OTUD7A: variants seen among roughly 807,000 people sequenced by gnomAD.
The protein encoded by OTUD7A is OTU deubiquitinase 7A, also known as OTU domain-containing protein 7A.
A neutral mutation model predicts 65.7 loss-of-function variants in OTUD7A; 12 were observed. The observed-to-expected ratio is 0.18, with a 90% confidence interval of 0.12 to 0.30. The LOEUF (loss-of-function observed/expected upper bound fraction) is 0.30. Among genes scored for constraint, OTUD7A ranks in the 10% least tolerant of loss-of-function variants. The pLI is 1.00. For missense variants in OTUD7A, 1,148 were observed against 1,304.8 expected, an observed-to-expected ratio of 0.88 and a Z score of 1.85; for synonymous variants, 641 against 586.3, an observed-to-expected ratio of 1.09 and a Z score of -1.35.
intron 3 of OTUD7A, among the ~76,000 whole-genome samples, chr15:31,646,640 T>C (rs1180510838): frequency 6.6e-6 from 1 of 152,036 alleles, no homozygotes; most frequent in Non-Finnish European, 1.5e-5. Context: ...TTTGTATTTT[T>C]AGTAGAGACA....
intron 1 of OTUD7A, among the ~76,000 whole-genome samples, chr15:31,710,571 G>A (rs942334204): frequency 3.9e-5 from 6 of 152,182 alleles, no homozygotes; most frequent in African/African-American, 1.4e-4. Flanking sequence ...GGAGACCTGG[G>A]AGGACAAGGC....
intron 1 of OTUD7A, among the ~76,000 whole-genome samples, chr15:31,824,958 T>G (rs901996964): frequency 6.6e-6 from 1 of 152,226 alleles, no homozygotes; most frequent in African/African-American, 2.4e-5. Context: ...ATCTTTGTCT[T>G]TATACTTGGG....
chr15:31,758,791 C>T (rs576914809), intron 1 of OTUD7A, among the ~76,000 whole-genome samples: 1 of 152,260 alleles, frequency 6.6e-6, no homozygotes, highest in South Asian at 2.1e-4. Flanking sequence ...CATCAGAAAT[C>T]ATCAAATCTC....
At chr15:31,492,093 T>C (rs1424506159) in intron 10 of OTUD7A, among the ~76,000 whole-genome samples, 2 of 147,748 alleles carry the variant, frequency 1.4e-5, no homozygotes, top group Admixed American at 6.7e-5. Flanking sequence ...TGAAAATTCA[T>C]TTTTTTCTTC....
intron 1 of OTUD7A, among the ~76,000 whole-genome samples, chr15:31,849,580 G>A (rs1259497500): frequency 1.3e-5 from 2 of 152,182 alleles, no homozygotes; most frequent in Non-Finnish European, 2.9e-5. Flanking sequence ...ATGAGCTTCA[G>A]CACAGCAGAA....
At chr15:31,523,954 C>T (rs1425641031) in intron 8 of OTUD7A, among the ~76,000 whole-genome samples, 2 of 152,284 alleles carry the variant, frequency 1.3e-5, no homozygotes, top group South Asian at 2.1e-4. Context: ...TGTCCGTTAC[C>T]CCAGTCCATG....
intron 1 of OTUD7A, among the ~76,000 whole-genome samples, chr15:31,727,635 C>CT (rs1385992281): frequency 6.6e-6 from 1 of 152,218 alleles, no homozygotes; most frequent in Non-Finnish European, 1.5e-5. Context: ...CTGGTGCCAG[C>CT]TGGCCTCAGC....
At chr15:31,777,493 G>C (rs1895415494) in intron 1 of OTUD7A, among the ~76,000 whole-genome samples, 1 of 149,564 alleles carries the variant, frequency 6.7e-6, no homozygotes, top group African/African-American at 2.5e-5. Flanking sequence ...CCAGGATCTT[G>C]GGTCAGCGCT....
chr15:31,703,420 CAA>C (rs1439725823), intron 1 of OTUD7A, among the ~76,000 whole-genome samples: 1 of 151,628 alleles, frequency 6.6e-6, no homozygotes, highest in Non-Finnish European at 1.5e-5. Context: ...AAAAAAACCA[CAA>C]AGAGACATTT....
intron 1 of OTUD7A, among the ~76,000 whole-genome samples, chr15:31,752,991 G>A (rs539678462): frequency 1.3e-5 from 2 of 152,228 alleles, no homozygotes; most frequent in South Asian, 4.1e-4. Flanking sequence ...ATATTAAAAC[G>A]ACTTGTAGTC....
intron 1 of OTUD7A, among the ~76,000 whole-genome samples, chr15:31,752,210 T>C (rs1482818215): frequency 6.6e-6 from 1 of 152,198 alleles, no homozygotes; most frequent in Admixed American, 6.5e-5. Context: ...TGATTCCATT[T>C]ATGTAAAGTT....
intron 1 of OTUD7A, among the ~76,000 whole-genome samples, chr15:31,810,407 T>C (rs1896387767): frequency 6.6e-6 from 1 of 152,086 alleles, no homozygotes; most frequent in Non-Finnish European, 1.5e-5. Context: ...AATGAGGTCA[T>C]AATGGTGGGG....
chr15:31,736,321 A>C (rs1894192845), intron 1 of OTUD7A, among the ~76,000 whole-genome samples: 2 of 152,212 alleles, frequency 1.3e-5, no homozygotes, highest in Non-Finnish European at 2.9e-5. Flanking sequence ...AAGATTAGCC[A>C]CAGCTTGATA....
At chr15:31,519,631 G>A (rs2141109586) in intron 8 of OTUD7A, among the ~76,000 whole-genome samples, 1 of 152,254 alleles carries the variant, frequency 6.6e-6, no homozygotes, top group African/African-American at 2.4e-5. Context: ...ATTCAACATA[G>A]TACTGGAAGT....
intron 3 of OTUD7A, 74 bp downstream of exon 3, chr15:31,655,022 G>A (rs1189267031): frequency 6.6e-7 from 1 of 1,515,250 alleles, no homozygotes; most frequent in East Asian, 2.3e-5. Flanking sequence ...CTGTCATCAG[G>A]TATTGGAAAT....
At chr15:31,696,135 C>T (rs1893076946) in intron 1 of OTUD7A, among the ~76,000 whole-genome samples, 1 of 148,910 alleles carries the variant, frequency 6.7e-6, no homozygotes, top group African/African-American at 2.4e-5. Flanking sequence ...AGTGACAGGG[C>T]ACAGGGTTGA....
intron 3 of OTUD7A, among the ~76,000 whole-genome samples, chr15:31,604,631 G>C (rs1293106620): frequency 6.6e-6 from 1 of 152,174 alleles, no homozygotes; most frequent in Non-Finnish European, 1.5e-5. Flanking sequence ...ATATTCAGCT[G>C]CTTCACAAAA....
Position 31,749,578 on chromosome 15 carries a change from A to G in OTUD7A, c.-99-92501T>C, listed in dbSNP as rs1487174257. ...TGCTTACCCAGTAGAGTGCATTTTA[A>G]AAGTGGCATATTCAAACATCACACT... On this transcript the variant is annotated intron_variant, in intron 1 of 12. Coordinates refer to ENST00000307050, the MANE Select transcript of OTUD7A (RefSeq NM_001382637.1). 2.0e-5 allele frequency among the ~76,000 whole-genome samples: 3 copies of G among 152,172 alleles called. No homozygotes were observed. The South Asian group carries it at 6.2e-4, about 32-fold the overall frequency.
chr15:31,551,548 G>A (rs1035675981), intron 5 of OTUD7A, among the ~76,000 whole-genome samples: 2 of 152,232 alleles, frequency 1.3e-5, no homozygotes, highest in African/African-American at 2.4e-5. Flanking sequence ...ATAGTCCTCT[G>A]ATTCATCCGT....
Sources: gnomAD v4.1 joint callset for allele counts (sites outside exome capture counted in the v4.1 genomes callset) on GRCh38, gnomAD v4.1.1 for gene constraint, MANE v1.5 for transcripts, NCBI Gene and HGNC (gene_info 2026-07-23, HGNC 2026-07-21) for gene names.